FOXN1: variants seen among roughly 807,000 people sequenced by gnomAD.
The protein encoded by FOXN1 is forkhead box protein N1.
A neutral mutation model predicts 49.0 loss-of-function variants in FOXN1; 15 were observed. That is an observed-to-expected ratio of 0.31 (90% CI 0.20 to 0.47). The LOEUF (loss-of-function observed/expected upper bound fraction) is 0.47. Ranked by LOEUF, FOXN1 falls within the 20% of genes least tolerant of loss-of-function variation. FOXN1 has a pLI of 1.00. For synonymous variants in FOXN1, 356 were observed against 369.0 expected, an observed-to-expected ratio of 0.96 and a Z score of 0.40; for missense variants, 800 against 842.8, an observed-to-expected ratio of 0.95 and a Z score of 0.63.
chr17:28,518,709 C>T (rs976136120), intron 1 of FOXN1, among the ~76,000 whole-genome samples: 5 of 152,188 alleles, frequency 3.3e-5, no homozygotes, highest in Non-Finnish European at 5.9e-5. Flanking sequence ...AATGCCCAGA[C>T]GCTGAAAAGG....
intron 1 of FOXN1, among the ~76,000 whole-genome samples, chr17:28,517,061 C>A (rs1284010772): frequency 3.8e-5 from 2 of 52,158 alleles, no homozygotes; most frequent in South Asian, 6.5e-4. Flanking sequence ...TCCACAGGAT[C>A]CACACCTCCA....
At chr17:28,517,400 T>C (rs1482905494) in intron 1 of FOXN1, among the ~76,000 whole-genome samples, 60 of 91,042 alleles carry the variant, frequency 6.6e-4, no homozygotes, top group East Asian at 1.6e-3. Context: ...CATAGTTCCA[T>C]AGGGTACACA....
chr17:28,528,792 C>T (rs559365092), intron 4 of FOXN1, among the ~76,000 whole-genome samples: 1 of 152,148 alleles, frequency 6.6e-6, no homozygotes, highest in Non-Finnish European at 1.5e-5. Context: ...GTGCAGGGGC[C>T]GAGGGCTTCA....
intron 3 of FOXN1, among the ~76,000 whole-genome samples, chr17:28,526,230 G>A (rs572344681): frequency 2.0e-5 from 3 of 152,328 alleles, no homozygotes; most frequent in African/African-American, 7.2e-5. Context: ...TTTGGGCTCA[G>A]CCCCATCATC....
At chr17:28,523,104 T>C (rs1027619360) in intron 1 of FOXN1, among the ~76,000 whole-genome samples, 1 of 152,132 alleles carries the variant, frequency 6.6e-6, no homozygotes, top group African/African-American at 2.4e-5. Context: ...CACCCCACTG[T>C]GTTAGGGACA....
chr17:28,532,873 T>A (rs1183849863), intron 6 of FOXN1, among the ~76,000 whole-genome samples: 4 of 152,216 alleles, frequency 2.6e-5, no homozygotes, highest in Admixed American at 2.0e-4. Context: ...CATGGGGCCA[T>A]AAAAGGCCCC....
chr17:28,527,448 A>C (rs2069799771), intron 4 of FOXN1, 87 bp downstream of exon 4: 1 of 790,588 alleles, frequency 1.3e-6, no homozygotes, highest in Non-Finnish European at 2.2e-6. Context: ...ATGTGATGGC[A>C]TGTGTTCACC....
chr17:28,526,289 G>A (rs565266733), intron 3 of FOXN1, among the ~76,000 whole-genome samples: 4 of 152,328 alleles, frequency 2.6e-5, no homozygotes, highest in East Asian at 1.9e-4. Context: ...TTCTAGGCCC[G>A]AGATTCTATG....
At chr17:28,509,182 C>CTCCA (rs2069332957) in intron 1 of FOXN1, among the ~76,000 whole-genome samples, 1 of 151,940 alleles carries the variant, frequency 6.6e-6, no homozygotes, top group Admixed American at 6.6e-5. Flanking sequence ...GCTTATTCAT[C>CTCCA]TCCATCCCCT....
chr17:28,537,782 T>C lies in FOXN1; in HGVS notation c.*346T>C. ...CAGATGTACACCCACCCACATATCT[T>C]ACAGCCAGAGGAACCAGCACTCCAT... On this transcript the variant is annotated 3_prime_UTR_variant, in exon 9 of 9. Coordinates refer to ENST00000579795, the MANE Select transcript of FOXN1 (RefSeq NM_001369369.1). The C allele has an allele frequency of 2.5e-6, 1 of 394,740 alleles. No individual in the cohort carries two copies. Among genetic ancestry groups the C allele is most frequent in the Non-Finnish European group, 4.8e-6 (1 of 208,646 alleles). The allele number at this position is 394,740 out of a possible 1,614,324, so 24.5% of individuals were successfully genotyped here. A position where few individuals can be genotyped will look rare whatever the true frequency, so the allele number is the denominator to read the frequency against.
At chr17:28,512,409 T>C (rs2069412817) in intron 1 of FOXN1, among the ~76,000 whole-genome samples, 1 of 152,132 alleles carries the variant, frequency 6.6e-6, no homozygotes, top group African/African-American at 2.4e-5. Context: ...CCCTGAGTGG[T>C]TCTAGGCCAC....
At chr17:28,536,107 C>A (rs1039696229) in intron 8 of FOXN1, among the ~76,000 whole-genome samples, 3 of 152,084 alleles carry the variant, frequency 2.0e-5, no homozygotes, top group African/African-American at 7.2e-5. Flanking sequence ...ACGACCCAGG[C>A]CTCAGACTCT....
At chr17:28,509,574 A>T (rs545394355) in intron 1 of FOXN1, among the ~76,000 whole-genome samples, 4 of 152,326 alleles carry the variant, frequency 2.6e-5, no homozygotes, top group African/African-American at 9.6e-5. Context: ...ATGCCAATAG[A>T]CAAAACGAGC....
intron 5 of FOXN1, 105 bp from the exon 6 acceptor site, chr17:28,530,644 T>C (rs1464933259): frequency 1.3e-6 from 1 of 752,762 alleles, no homozygotes; most frequent in African/African-American, 1.7e-5. Flanking sequence ...TTCCCTTCTC[T>C]TTCACCTCCA....
In FOXN1 at chr17:28,537,421, C is replaced by T. The variant is rs199499942; in HGVS notation, c.1932C>T (p.Pro644=). 414 of 1,612,766 alleles carry T rather than the reference C, an allele frequency of 2.6e-4. No homozygotes were observed. The highest frequency in any genetic ancestry group is 3.1e-4 in the Non-Finnish European group (370 of 1,179,396). ...PSVYLSPSSK[P]VALA ...TGTACCTCAGCCCCAGCTCCAAGCC[C>T]GTGGCCCTGGCATGAGCTGTGCCCA... The change falls in exon 9 of 9, where the codon CCC becomes CCT. Residue 644 remains proline (P), a synonymous_variant. Transcript: ENST00000579795.
chr17:28,520,893 G>GAGGGCTAGCA (rs1032078769), intron 1 of FOXN1, among the ~76,000 whole-genome samples: 3 of 152,132 alleles, frequency 2.0e-5, no homozygotes, highest in Non-Finnish European at 4.4e-5. Flanking sequence ...GGCAGGCAAG[G>GAGGGCTAGCA]AGGGCTAGCA....
chr17:28,509,179 C>T (rs1215010291), intron 1 of FOXN1, among the ~76,000 whole-genome samples: 1 of 151,894 alleles, frequency 6.6e-6, no homozygotes, highest in East Asian at 1.9e-4. Flanking sequence ...CCAGCTTATT[C>T]ATCTCCATCC....
At chr17:28,528,081 C>T (rs2069814319) in intron 4 of FOXN1, among the ~76,000 whole-genome samples, 1 of 152,246 alleles carries the variant, frequency 6.6e-6, no homozygotes, top group African/African-American at 2.4e-5. Flanking sequence ...GGCACTGAGA[C>T]AGGCCCTGCC....
In FOXN1 at chr17:28,535,137, T is replaced by C. The variant is rs1423742693; in HGVS notation, c.1566T>C (p.Asp522=). ...CTATGCACGACACCCTGCTGCCAGA[T>C]GGAGACCTTGGCACTGACCTGGATG... ...ARTMHDTLLP[D]GDLGTDLDAI... is the part of the protein sequence containing the mutation. Residue 522 remains aspartate (D), a synonymous_variant, in exon 8 of 9, where the codon GAT becomes GAC. Coordinates refer to ENST00000579795, the MANE Select transcript of FOXN1 (RefSeq NM_001369369.1). 1.2e-6 allele frequency: 2 copies of C among 1,611,150 alleles called. No homozygotes were observed. Among genetic ancestry groups the C allele is most frequent in the Non-Finnish European group, 1.7e-6 (2 of 1,178,110 alleles).
Sources: allele counts gnomAD v4.1 joint callset (sites outside exome capture counted in the v4.1 genomes callset), GRCh38; gene constraint gnomAD v4.1.1; transcripts MANE v1.5; gene names NCBI Gene and HGNC (gene_info 2026-07-23, HGNC 2026-07-21).